ADGRG6: variants seen among roughly 807,000 people sequenced by gnomAD.
The protein encoded by ADGRG6 is G-protein coupled receptor 126.
A neutral mutation model predicts 142.4 loss-of-function variants in ADGRG6; 84 were observed. The ratio of observed to expected loss-of-function variants is 0.59; its 90% CI spans 0.49 to 0.71. ADGRG6 has a LOEUF of 0.71. ADGRG6 is among the 30% of genes least tolerant of loss of function. The pLI, the probability that ADGRG6 is intolerant of heterozygous loss-of-function variation, is 0.00. For missense variants in ADGRG6, 1,367 were observed against 1,466.6 expected, an observed-to-expected ratio of 0.93 and a Z score of 1.11; for synonymous variants, 521 against 520.5, an observed-to-expected ratio of 1.00 and a Z score of -0.01.
At chr6:142,308,873 A>C (rs996145896) in intron 1 of ADGRG6, among the ~76,000 whole-genome samples, 11 of 151,900 alleles carry the variant, frequency 7.2e-5, no homozygotes. Context: ...GAATTAAATG[A>C]GTAAGTCATG....
chr6:142,366,744 G>T (rs1335180798), intron 2 of ADGRG6, among the ~76,000 whole-genome samples: 1 of 130,988 alleles, frequency 7.6e-6, no homozygotes, highest in East Asian at 2.2e-4. Context: ...AACAGAGCGA[G>T]ACTGTCTCAA....
At chr6:142,319,915 G>A (rs1168452834) in intron 2 of ADGRG6, among the ~76,000 whole-genome samples, 1 of 152,126 alleles carries the variant, frequency 6.6e-6, no homozygotes, top group Non-Finnish European at 1.5e-5. Context: ...ATTTAGTGCT[G>A]TAAGTAACAA....
chr6:142,333,159 C>T (rs1440383510), intron 2 of ADGRG6, among the ~76,000 whole-genome samples: 1 of 152,140 alleles, frequency 6.6e-6, no homozygotes, highest in African/African-American at 2.4e-5. Flanking sequence ...TTGATTGAGA[C>T]AGTATTAAAT....
chr6:142,326,077 A>G (rs1387373441), intron 2 of ADGRG6, among the ~76,000 whole-genome samples: 1 of 152,126 alleles, frequency 6.6e-6, no homozygotes, highest in African/African-American at 2.4e-5. Flanking sequence ...AATACTAAAT[A>G]CTATGTTTGC....
At chr6:142,442,580 ACAT>A (rs1287823498) in intron 24 of ADGRG6, among the ~76,000 whole-genome samples, 2 of 152,084 alleles carry the variant, frequency 1.3e-5, no homozygotes, top group Non-Finnish European at 1.5e-5. Flanking sequence ...GTTAGCAATA[ACAT>A]CATTCAGAAA....
chr6:142,397,494 A>T, intron 9 of ADGRG6, 119 bp from the exon 10 acceptor site: 1 of 785,258 alleles, frequency 1.3e-6, no homozygotes, highest in Non-Finnish European at 2.1e-6. Flanking sequence ...ACCTTGGCTA[A>T]TCTCTTCAGT....
rs533276579 is a variant in ADGRG6 at position 142,407,694 on chromosome 6, A to G, written c.2269-456A>G. Among the ~76,000 whole-genome samples, 9 of 152,334 alleles carry G rather than the reference A, an allele frequency of 5.9e-5. No individual in the cohort carries two copies. In the South Asian group the frequency reaches 1.9e-3, roughly 32 times the overall value. ...GTATTACTTTTAGGTATAAGTTAGT[A>G]AACATGTCAGGCTGTTGGCATGGAT... On this transcript the variant is annotated intron_variant, in intron 15 of 24. Transcript: ENST00000367609.
chr6:142,327,795 A>T (rs1778851275), intron 2 of ADGRG6, among the ~76,000 whole-genome samples: 1 of 152,270 alleles, frequency 6.6e-6, no homozygotes, highest in South Asian at 2.1e-4. Context: ...AATGATCAGT[A>T]ATCATAAACT....
At chr6:142,431,658 C>T (rs1208900504) in intron 22 of ADGRG6, among the ~76,000 whole-genome samples, 1 of 152,084 alleles carries the variant, frequency 6.6e-6, no homozygotes, top group Non-Finnish European at 1.5e-5. Flanking sequence ...GGTGCGGTGG[C>T]TCACGCATGT....
chr6:142,348,398 G>T (rs1018666783), intron 2 of ADGRG6, among the ~76,000 whole-genome samples: 1 of 152,112 alleles, frequency 6.6e-6, no homozygotes, highest in Non-Finnish European at 1.5e-5. Flanking sequence ...CATTTATCCA[G>T]AGGGAATAAT....
chr6:142,410,642 C>A (rs1776036284), intron 17 of ADGRG6, among the ~76,000 whole-genome samples: 1 of 151,940 alleles, frequency 6.6e-6, no homozygotes, highest in Non-Finnish European at 1.5e-5. Context: ...TTTGATAGTT[C>A]TTGTCACAGC....
At chr6:142,325,895 A>T (rs892704237) in intron 2 of ADGRG6, among the ~76,000 whole-genome samples, 8 of 152,062 alleles carry the variant, frequency 5.3e-5, no homozygotes, top group Non-Finnish European at 1.0e-4. Context: ...ATTACCTAAG[A>T]ATATAATTCA....
intron 4 of ADGRG6, among the ~76,000 whole-genome samples, chr6:142,379,753 C>T (rs1291575272): frequency 6.6e-6 from 1 of 152,066 alleles, no homozygotes; most frequent in African/African-American, 2.4e-5. Context: ...GGCAACAGAG[C>T]GAGACTCCAT....
rs191990636 is a variant in ADGRG6 at position 142,348,356 on chromosome 6, A to T, written c.104-19213A>T. Among the ~76,000 whole-genome samples, 164 of 152,322 alleles carry T rather than the reference A, an allele frequency of 1.1e-3. 1 individual carries two copies. The Middle Eastern group carries it at 0.02, about 19-fold the overall frequency. On this transcript the variant is annotated intron_variant, in intron 2 of 24. Coordinates refer to ENST00000367609, the MANE Select transcript of ADGRG6 (RefSeq NM_198569.3). ...CAAATGTTAAAAGATCAGATGGAAG[A>T]GGCAAAATTTAGATATAAGCATGAG...
chr6:142,402,773 A>G lies in ADGRG6; in HGVS notation c.1898A>G (p.Asn633Ser), dbSNP rs773442205. 8.7e-6 allele frequency: 14 copies of G among 1,602,234 alleles called. No individual in the cohort carries two copies. Among genetic ancestry groups the G allele is most frequent in the African/African-American group, 1.3e-5 (1 of 74,634 alleles). Reference protein sequence around the residue: ...IDITLGSTLMNIFSNILSSSD... With the variant: ...IDITLGSTLMSIFSNILSSSD... Reference sequence around the variant, plus strand: ...ATAACACTTGGCTCAACTCTAATGAATATATTTTCTAATATCTTAAGCAGT... The same window carrying G: ...ATAACACTTGGCTCAACTCTAATGAGTATATTTTCTAATATCTTAAGCAGT... The change falls in exon 13 of 25, where the codon AAT (asparagine) becomes AGT (serine). Residue 633 changes from asparagine (N) to serine (S), a missense_variant. This residue lies in a region of ADGRG6 where 737 missense variants were observed against 746.5 expected (regional missense o/e 0.99). Coordinates refer to ENST00000367609, the MANE Select transcript of ADGRG6 (RefSeq NM_198569.3).
chr6:142,305,858 A>G (rs1777468909), intron 1 of ADGRG6, among the ~76,000 whole-genome samples: 1 of 152,072 alleles, frequency 6.6e-6, no homozygotes, highest in Non-Finnish European at 1.5e-5. Flanking sequence ...AAGTGGAGGT[A>G]CACCCAGCTT....
intron 2 of ADGRG6, among the ~76,000 whole-genome samples, chr6:142,321,835 A>G (rs1203085938): frequency 6.6e-6 from 1 of 152,104 alleles, no homozygotes; most frequent in Non-Finnish European, 1.5e-5. Context: ...TTTCTATGTA[A>G]ATTATACCTC....
intron 2 of ADGRG6, among the ~76,000 whole-genome samples, chr6:142,365,845 A>G (rs1562340312): frequency 6.6e-6 from 1 of 152,236 alleles, no homozygotes; most frequent in Non-Finnish European, 1.5e-5. Flanking sequence ...ACCATATCAT[A>G]GAAGAATAGT....
intron 24 of ADGRG6, among the ~76,000 whole-genome samples, chr6:142,439,728 C>T (rs575257498): frequency 6.6e-6 from 1 of 152,078 alleles, no homozygotes; most frequent in African/African-American, 2.4e-5. Flanking sequence ...TGTTGATTCT[C>T]TTCCAGAAAA....
Sources: gnomAD v4.1 joint callset for allele counts (sites outside exome capture counted in the v4.1 genomes callset) on GRCh38, gnomAD v4.1.1 for gene constraint, gnomAD v4.1.1 regional missense constraint, MANE v1.5 for transcripts, NCBI Gene and HGNC (gene_info 2026-07-23, HGNC 2026-07-21) for gene names.